Variants in TTC6 observed in about 807,000 individuals in gnomAD.
TTC6 encodes the protein tetratricopeptide repeat protein 6.
A neutral mutation model predicts 210.4 loss-of-function variants in TTC6; 172 were observed. The ratio of observed to expected loss-of-function variants is 0.82; its 90% CI spans 0.72 to 0.93. The LOEUF is 0.93. Ranked by LOEUF, TTC6 falls within the 40% of genes least tolerant of loss-of-function variation. TTC6 has a pLI of 0.00. For missense variants in TTC6, 2,414 were observed against 2,318.1 expected, an observed-to-expected ratio of 1.04 and a Z score of -0.85; for synonymous variants, 804 against 819.6, an observed-to-expected ratio of 0.98 and a Z score of 0.32.
At chr14:37,758,594 G>C (rs1253555071) in intron 14 of TTC6, among the ~76,000 whole-genome samples, 1 of 152,062 alleles carries the variant, frequency 6.6e-6, no homozygotes, top group African/African-American at 2.4e-5. Flanking sequence ...CAAGAGAGAT[G>C]GGTCTCCTGA....
chr14:37,622,363 C>G, exon 1 of TTC6: 1 of 1,531,082 alleles, frequency 6.5e-7, no homozygotes, highest in Non-Finnish European at 8.7e-7. Context: ...GCGCCGCGTC[C>G]CTCGGGCCTG....
At chr14:37,693,876 T>C (rs552278344) in intron 3 of TTC6, among the ~76,000 whole-genome samples, 1 of 152,192 alleles carries the variant, frequency 6.6e-6, no homozygotes, top group East Asian at 1.9e-4. Context: ...GATATCCATA[T>C]GCAGAAGAAT....
At chr14:37,646,149 T>C (rs1679257147) in intron 1 of TTC6, among the ~76,000 whole-genome samples, 1 of 152,182 alleles carries the variant, frequency 6.6e-6, no homozygotes, top group African/African-American at 2.4e-5. Flanking sequence ...GGATTTATGG[T>C]AGCAGACCAG....
intron 1 of TTC6, among the ~76,000 whole-genome samples, chr14:37,640,972 T>C (rs1360363673): frequency 6.6e-6 from 1 of 152,238 alleles, no homozygotes; most frequent in Non-Finnish European, 1.5e-5. Context: ...AATTGCTGTC[T>C]TAACATTGTA....
At chr14:37,723,397 A>G (rs1390614433) in intron 6 of TTC6, among the ~76,000 whole-genome samples, 1 of 152,240 alleles carries the variant, frequency 6.6e-6, no homozygotes, top group African/African-American at 2.4e-5. Flanking sequence ...ACTTGTATAA[A>G]TAAATACATG....
At chr14:37,762,154 C>CT (rs745580782) in intron 14 of TTC6, among the ~76,000 whole-genome samples, 69 of 150,794 alleles carry the variant, frequency 4.6e-4, no homozygotes, top group African/African-American at 7.5e-4. Context: ...TGGGATTTCC[C>CT]TTTTTTTTTA....
At chr14:37,621,685 GA>G (rs1490891640), upstream of TTC6, among the ~76,000 whole-genome samples, 62 of 152,172 alleles carry the variant, frequency 4.1e-4, no homozygotes, top group Non-Finnish European at 7.3e-5. Flanking sequence ...CACAGTTTGT[GA>G]CCTTTATTCT....
rs369485681 is a variant in TTC6, at chr14:37,622,793, G to A, written c.729G>A (p.Ala243=). Residue 243 remains alanine, a synonymous_variant, in exon 1 of 31, where the codon GCG becomes GCA. Coordinates refer to ENST00000553443, the Ensembl canonical transcript of TTC6. Reference sequence around the variant, plus strand: ...GGGCCCGCGAGGCGCGGGAAGCGGCGGGGTTAGGAGCCCAGGGAGAACAGG... The same window carrying A: ...GGGCCCGCGAGGCGCGGGAAGCGGCAGGGTTAGGAGCCCAGGGAGAACAGG... The A allele has an allele frequency of 3.9e-6, 6 of 1,534,444 alleles. No individual in the cohort carries two copies. In the African/African-American group the frequency reaches 6.8e-5, roughly 17 times the overall value.
chr14:37,777,094 T>C (rs900213546), intron 14 of TTC6, among the ~76,000 whole-genome samples: 1 of 152,176 alleles, frequency 6.6e-6, no homozygotes, highest in African/African-American at 2.4e-5. Context: ...TCTTTTTATG[T>C]AGTATTTTGC....
At chr14:37,794,723 G>T (rs1185159042) in intron 17 of TTC6, among the ~76,000 whole-genome samples, 1 of 151,582 alleles carries the variant, frequency 6.6e-6, no homozygotes, top group African/African-American at 2.4e-5. Flanking sequence ...ACCCTCCTTT[G>T]CATGCTACTT....
At chr14:37,766,205 T>A (rs1384445400) in intron 14 of TTC6, among the ~76,000 whole-genome samples, 3 of 152,214 alleles carry the variant, frequency 2.0e-5, no homozygotes, top group Non-Finnish European at 4.4e-5. Flanking sequence ...ATATGTTGGT[T>A]GTTTCTTTTT....
intron 2 of TTC6, among the ~76,000 whole-genome samples, chr14:37,611,794 C>T (rs1015585678): frequency 2.6e-5 from 4 of 152,130 alleles, no homozygotes; most frequent in Admixed American, 2.0e-4. Context: ...TAAACCTCAA[C>T]CACCAGTAGG....
intron 9 of TTC6, among the ~76,000 whole-genome samples, chr14:37,738,250 G>A (rs1305605221): frequency 1.3e-5 from 2 of 151,042 alleles, no homozygotes; most frequent in African/African-American, 2.4e-5. Context: ...AATAAATACT[G>A]TAATAGGTTG....
At chr14:37,767,471 G>A (rs1336864961) in intron 14 of TTC6, among the ~76,000 whole-genome samples, 2 of 152,256 alleles carry the variant, frequency 1.3e-5, no homozygotes, top group East Asian at 1.9e-4. Context: ...GTTGTTTCCT[G>A]ACTTTTTAAT....
chr14:37,619,696 C>T (rs988577289), upstream of TTC6, among the ~76,000 whole-genome samples: 2 of 151,980 alleles, frequency 1.3e-5, 1 homozygote, highest in Admixed American at 1.3e-4. Flanking sequence ...ATTTTAGCAG[C>T]AGTTTTTCAG....
At chr14:37,657,481 A>G (rs1327638992) in intron 1 of TTC6, among the ~76,000 whole-genome samples, 4 of 152,044 alleles carry the variant, frequency 2.6e-5, no homozygotes, top group Non-Finnish European at 4.4e-5. Flanking sequence ...AGCATAAACG[A>G]GGACGCCGAG....
intron 3 of TTC6, among the ~76,000 whole-genome samples, chr14:37,691,977 C>T (rs540221556): frequency 3.0e-4 from 45 of 151,310 alleles, no homozygotes; most frequent in African/African-American, 8.7e-4. Flanking sequence ...AAGATTGAAC[C>T]GGAAGAAATA....
chr14:37,791,419 C>T (rs1285412309), intron 16 of TTC6, among the ~76,000 whole-genome samples: 2 of 151,644 alleles, frequency 1.3e-5, no homozygotes, highest in Non-Finnish European at 2.9e-5. Context: ...CCCTTTTTTT[C>T]CAAAGAAGGA....
exon 11 of TTC6, chr14:37,749,081 A>G: frequency 3.3e-6 from 5 of 1,535,766 alleles, no homozygotes; most frequent in Non-Finnish European, 4.4e-6. Flanking sequence ...AATTCCAGAA[A>G]ATATTGATCC....
Sources: gnomAD v4.1 joint callset for allele counts (sites outside exome capture counted in the v4.1 genomes callset) on GRCh38, gnomAD v4.1.1 for gene constraint, MANE v1.5 for transcripts, NCBI Gene and HGNC (gene_info 2026-07-23, HGNC 2026-07-21) for gene names.